CSMD3: variants seen among roughly 807,000 people sequenced by gnomAD.
CSMD3 encodes the protein CUB and sushi domain-containing protein 3.
CSMD3 carries 177 observed loss-of-function variants against 435.2 expected under a neutral mutation model. The observed-to-expected ratio is 0.41, with a 90% CI of 0.36 to 0.46. The LOEUF is 0.46. Among genes scored for constraint, CSMD3 ranks in the 20% least tolerant of loss-of-function variants. The probability of loss-of-function intolerance (pLI) is 0.34; values close to 1 mark genes in which losing one functional copy is unlikely to be tolerated. For missense variants in CSMD3, 4,265 were observed against 4,504.6 expected (o/e 0.95, Z 1.52); for synonymous variants, 1,656 against 1,520.5 (o/e 1.09, Z -2.07).
chr8:113,260,444 C>G (rs1207458365), intron 3 of CSMD3, among the ~76,000 whole-genome samples: 1 of 152,120 alleles, frequency 6.6e-6, no homozygotes, highest in South Asian at 2.1e-4. Context: ...ATCATCAGCT[C>G]TCTACTGATT....
chr8:113,200,016 T>C lies in CSMD3; in HGVS notation c.515-26100A>G, dbSNP rs967252366. Among the ~76,000 whole-genome samples the C allele has an allele frequency of 5.3e-5, 8 of 152,022 alleles. No individual in the cohort carries two copies. The South Asian group carries it at 1.2e-3, about 24-fold the overall frequency. On this transcript the variant is annotated intron_variant, in intron 3 of 70. Coordinates refer to ENST00000297405, the MANE Select transcript of CSMD3 (RefSeq NM_198123.2). ...AAATCTCCTCTGTGCTTCAGATTTA[T>C]ATACCCAAATGCCTGTTGAACATCT...
At chr8:112,839,286 G>A (rs1035682009) in intron 11 of CSMD3, among the ~76,000 whole-genome samples, 4 of 151,628 alleles carry the variant, frequency 2.6e-5, no homozygotes, top group African/African-American at 9.7e-5. Context: ...CTGTACACTG[G>A]TCTTCTCCTT....
intron 10 of CSMD3, among the ~76,000 whole-genome samples, chr8:112,905,360 T>C (rs577082256): frequency 3.9e-4 from 59 of 150,818 alleles, no homozygotes; most frequent in Admixed American, 7.3e-4. Context: ...AAAGTCAATA[T>C]GTTATGGATG....
chr8:112,889,612 G>T (rs2081721230), intron 10 of CSMD3, among the ~76,000 whole-genome samples: 1 of 151,636 alleles, frequency 6.6e-6, no homozygotes, highest in Admixed American at 6.6e-5. Flanking sequence ...TTTCATGTCT[G>T]CTTGGGAAAA....
At chr8:113,155,668 G>A (rs998359134) in intron 4 of CSMD3, among the ~76,000 whole-genome samples, 2 of 151,982 alleles carry the variant, frequency 1.3e-5, no homozygotes, top group Non-Finnish European at 2.9e-5. Flanking sequence ...ATTTCAACGA[G>A]GTAATCCTGA....
intron 5 of CSMD3, among the ~76,000 whole-genome samples, chr8:113,084,596 A>G (rs1312187931): frequency 7.0e-6 from 1 of 143,242 alleles, no homozygotes; most frequent in Non-Finnish European, 1.5e-5. Flanking sequence ...AAAAAATATA[A>G]AAAAATTCTA....
chr8:112,900,200 C>T (rs2082074420), intron 10 of CSMD3, among the ~76,000 whole-genome samples: 2 of 151,150 alleles, frequency 1.3e-5, no homozygotes, highest in South Asian at 4.2e-4. Flanking sequence ...ATTCAGTAGG[C>T]TATTTGCAAG....
At chr8:112,443,573 G>GT (rs1477248867) in intron 32 of CSMD3, among the ~76,000 whole-genome samples, 1 of 151,972 alleles carries the variant, frequency 6.6e-6, no homozygotes, top group East Asian at 1.9e-4. Flanking sequence ...TAAACATATA[G>GT]TTTTATAATT....
At chr8:112,662,389 C>A (rs1203420430) in intron 17 of CSMD3, among the ~76,000 whole-genome samples, 2 of 152,094 alleles carry the variant, frequency 1.3e-5, no homozygotes, top group Non-Finnish European at 2.9e-5. Context: ...ACTATCTGAT[C>A]TTTGACAAAC....
chr8:112,555,089 T>C (rs1041139210), intron 25 of CSMD3, among the ~76,000 whole-genome samples: 1 of 152,072 alleles, frequency 6.6e-6, no homozygotes, highest in Middle Eastern at 3.4e-3. Context: ...TGATCATCCA[T>C]CATTAGAATT....
intron 47 of CSMD3, among the ~76,000 whole-genome samples, chr8:112,315,138 A>C (rs1397638697): frequency 2.6e-5 from 4 of 151,604 alleles, no homozygotes; most frequent in African/African-American, 9.7e-5. Context: ...GATTTAACAC[A>C]GTTCTGAGTC....
At chr8:112,655,856 T>C (rs2075244122) in intron 18 of CSMD3, among the ~76,000 whole-genome samples, 1 of 152,150 alleles carries the variant, frequency 6.6e-6, no homozygotes, top group South Asian at 2.1e-4. Context: ...CTGTCTATTA[T>C]CTGTTTTTCA....
intron 1 of CSMD3, among the ~76,000 whole-genome samples, chr8:113,400,463 A>G (rs745621588): frequency 1.5e-4 from 23 of 152,028 alleles, no homozygotes; most frequent in Non-Finnish European, 2.8e-4. Context: ...TGGAGTGATT[A>G]TATTTAAAAA....
intron 3 of CSMD3, among the ~76,000 whole-genome samples, chr8:113,265,441 G>A (rs973168943): frequency 6.6e-6 from 1 of 151,418 alleles, no homozygotes; most frequent in Non-Finnish European, 1.5e-5. Context: ...AAGCTGGAGG[G>A]ATAGGTAGTT....
chr8:112,930,693 T>G (rs1043897338), intron 9 of CSMD3, among the ~76,000 whole-genome samples: 29 of 152,064 alleles, frequency 1.9e-4, no homozygotes, highest in Non-Finnish European at 2.5e-4. Flanking sequence ...ACTCTTGACG[T>G]TTTTACCAGT....
At chr8:112,496,061 T>G (rs559745580) in intron 30 of CSMD3, among the ~76,000 whole-genome samples, 2 of 151,944 alleles carry the variant, frequency 1.3e-5, no homozygotes, top group African/African-American at 4.8e-5. Flanking sequence ...GCTCCGCCTC[T>G]CCGGTTCACA....
chr8:113,108,833 A>G (rs769974008), intron 4 of CSMD3, among the ~76,000 whole-genome samples: 2 of 152,182 alleles, frequency 1.3e-5, no homozygotes, highest in South Asian at 2.1e-4. Context: ...AATACAAAAG[A>G]CCTATGTAAA....
intron 12 of CSMD3, among the ~76,000 whole-genome samples, chr8:112,827,163 A>AT (rs1491180982): frequency 0.21 from 14,003 of 67,368 alleles, 2,836 homozygotes; most frequent in East Asian, 0.33. Flanking sequence ...AGGTTACCAT[A>AT]AATATATATA....
Position 112,369,996 on chromosome 8 carries a change from A to AGAAGAGGAAGAG in CSMD3, c.6136+10355_6136+10356insCTCTTCCTCTTC, listed in dbSNP as rs376026224. Among the ~76,000 whole-genome samples, 237 of 62,388 alleles carry AGAAGAGGAAGAG rather than the reference A, an allele frequency of 3.8e-3. 24 individuals are homozygous for AGAAGAGGAAGAG. Among genetic ancestry groups the AGAAGAGGAAGAG allele is most frequent in the Admixed American group, 5.2e-3 (28 of 5,384 alleles). The allele number at this position is 62,388 out of a possible 152,430, so 40.9% of individuals were successfully genotyped here. A position where few individuals can be genotyped will look rare whatever the true frequency, so the allele number is the denominator to read the frequency against. On this transcript the variant is annotated intron_variant, in intron 38 of 70. Coordinates refer to ENST00000297405, the MANE Select transcript of CSMD3 (RefSeq NM_198123.2). ...AAGAAGAAGAGAAAGAGGAAGAGGA[A>AGAAGAGGAAGAG]GAAGAAGAGGAAGAGGAAGAAGAAG...
Sources: allele counts gnomAD v4.1 joint callset (sites outside exome capture counted in the v4.1 genomes callset), GRCh38; gene constraint gnomAD v4.1.1; transcripts MANE v1.5; gene names NCBI Gene and HGNC (gene_info 2026-07-23, HGNC 2026-07-21).